FOXN3: variants seen among roughly 807,000 people sequenced by gnomAD.
FOXN3 encodes the protein forkhead box protein N3.
In FOXN3, 7 loss-of-function variants were observed where a neutral mutation model predicts 38.4. The observed-to-expected ratio is 0.18, with a 90% CI of 0.10 to 0.34. FOXN3 has a LOEUF of 0.34. Ranked by LOEUF, FOXN3 falls within the 10% of genes least tolerant of loss-of-function variation. FOXN3 has a pLI of 1.00. For missense variants in FOXN3, 456 were observed against 613.4 expected, an observed-to-expected ratio of 0.74 and a Z score of 2.71; for synonymous variants, 230 against 242.2, an observed-to-expected ratio of 0.95 and a Z score of 0.47.
At chr14:89,584,061 T>C (rs752576990) in intron 1 of FOXN3, among the ~76,000 whole-genome samples, 2 of 149,098 alleles carry the variant, frequency 1.3e-5, no homozygotes, top group Non-Finnish European at 3.0e-5. Context: ...GGTTTCACCA[T>C]GTTGGCCAGG....
chr14:89,354,828 C>G (rs572923833), intron 2 of FOXN3, among the ~76,000 whole-genome samples: 1 of 151,842 alleles, frequency 6.6e-6, no homozygotes, highest in Non-Finnish European at 1.5e-5. Context: ...GCACTCCAGC[C>G]TGGGTGACAG....
At chr14:89,420,382 A>G (rs150375488), upstream of FOXN3, among the ~76,000 whole-genome samples, 166 of 152,230 alleles carry the variant, frequency 1.1e-3, 1 homozygote, top group African/African-American at 3.8e-3. Context: ...ATGACTTTGG[A>G]AGTGGGATAT....
At chr14:89,420,886 A>G (rs1273095919), upstream of FOXN3, among the ~76,000 whole-genome samples, 1 of 12,420 alleles carries the variant, frequency 8.1e-5, no homozygotes, top group Non-Finnish European at 1.8e-4. Context: ...GATACGAATT[A>G]AAAAAAAAAA....
intron 2 of FOXN3, among the ~76,000 whole-genome samples, chr14:89,356,169 G>A (rs1369623062): frequency 2.6e-5 from 4 of 152,048 alleles, no homozygotes; most frequent in Non-Finnish European, 5.9e-5. Flanking sequence ...AGGCCGAGGT[G>A]GACAGATCAC....
chr14:89,354,197 A>T (rs1311773873), intron 2 of FOXN3, among the ~76,000 whole-genome samples: 1 of 152,002 alleles, frequency 6.6e-6, no homozygotes, highest in Non-Finnish European at 1.5e-5. Context: ...TCTGAAGACA[A>T]GAATATGGAA....
At chr14:89,427,432 A>G (rs1042917572) in intron 1 of FOXN3, among the ~76,000 whole-genome samples, 8 of 146,166 alleles carry the variant, frequency 5.5e-5, no homozygotes, top group African/African-American at 2.0e-4. Flanking sequence ...CAGCATCCCA[A>G]GTAGGTGGGA....
At chr14:89,609,929 G>GGA (rs1452529881) in intron 1 of FOXN3, among the ~76,000 whole-genome samples, 1 of 152,056 alleles carries the variant, frequency 6.6e-6, no homozygotes, top group East Asian at 1.9e-4. Context: ...AAGTTTTCTA[G>GGA]CCTGGGAAAT....
intron 1 of FOXN3, among the ~76,000 whole-genome samples, chr14:89,479,576 A>G (rs1452801617): frequency 6.6e-6 from 1 of 152,012 alleles, no homozygotes; most frequent in Admixed American, 6.6e-5. Flanking sequence ...TTTCTCTGTG[A>G]TCTCTGTGGT....
intron 1 of FOXN3, among the ~76,000 whole-genome samples, chr14:89,572,592 T>C (rs1035842856): frequency 2.0e-5 from 3 of 152,258 alleles, no homozygotes; most frequent in Non-Finnish European, 4.4e-5. Context: ...CTTTGTGATC[T>C]TCCCCTTTCC....
intron 3 of FOXN3, among the ~76,000 whole-genome samples, chr14:89,329,403 G>T (rs1283335862): frequency 1.3e-5 from 2 of 152,090 alleles, no homozygotes; most frequent in Non-Finnish European, 2.9e-5. Context: ...CCTCAACTGG[G>T]GTTGGTTTTG....
intron 1 of FOXN3, among the ~76,000 whole-genome samples, chr14:89,488,204 TC>T (rs1199380185): frequency 6.6e-6 from 1 of 151,242 alleles, no homozygotes; most frequent in African/African-American, 2.4e-5. Flanking sequence ...TGCCTCAGCC[TC>T]CCCAGTAGCT....
At chr14:89,413,946 G>A (rs1596260789) in intron 1 of FOXN3, among the ~76,000 whole-genome samples, 1 of 138,474 alleles carries the variant, frequency 7.2e-6, no homozygotes, top group East Asian at 2.2e-4. Context: ...GGGAGGAGAA[G>A]GGGGAGGAGG....
At chr14:89,475,109 C>T (rs570763288) in intron 1 of FOXN3, among the ~76,000 whole-genome samples, 1 of 152,220 alleles carries the variant, frequency 6.6e-6, no homozygotes, top group African/African-American at 2.4e-5. Context: ...CCACCGCGCC[C>T]GGCCAGGTGT....
chr14:89,208,469 G>A (rs895275885), intron 4 of FOXN3, among the ~76,000 whole-genome samples: 1 of 152,196 alleles, frequency 6.6e-6, no homozygotes, highest in African/African-American at 2.4e-5. Flanking sequence ...TGCATCTACT[G>A]TCTATCCATG....
Position 89,163,026 on chromosome 14 carries a change from G to A in FOXN3, c.852-57C>T, listed in dbSNP as rs775082179. 4.8e-6 allele frequency: 7 copies of A among 1,443,338 alleles called. No individual in the cohort carries two copies. Among genetic ancestry groups the A allele is most frequent in the South Asian group, 2.9e-5 (2 of 68,128 alleles). 89.4% of individuals were successfully genotyped at this position (1,443,338 alleles called of 1,614,324 possible). ...AGACAAAGAAGGGACACAGTTAGAC[G>A]TCCTCAGATGGGGGCACCCGGCAGC... On this transcript the variant is annotated intron_variant, in intron 5 of 5. Transcript: ENST00000557258. This position sits in a 1 kb window ranked among gnomAD's most constrained non-coding sequence, Gnocchi z 4.3.
intron 1 of FOXN3, among the ~76,000 whole-genome samples, chr14:89,505,734 C>A (rs1893907388): frequency 6.6e-6 from 1 of 152,114 alleles, no homozygotes; most frequent in East Asian, 2.0e-4. Flanking sequence ...GCCTGGCCGC[C>A]CATCGTCTGG....
chr14:89,452,745 G>A (rs550768100), intron 1 of FOXN3, among the ~76,000 whole-genome samples: 4 of 152,294 alleles, frequency 2.6e-5, no homozygotes, highest in African/African-American at 7.2e-5. Context: ...AAAAGGAAAT[G>A]AAGGAAAATG....
intron 4 of FOXN3, among the ~76,000 whole-genome samples, chr14:89,233,744 G>A (rs1388988506): frequency 6.6e-6 from 1 of 152,196 alleles, no homozygotes; most frequent in African/African-American, 2.4e-5. Context: ...CCAAGTTCAA[G>A]TTCTGATTCT....
intron 1 of FOXN3, among the ~76,000 whole-genome samples, chr14:89,461,574 T>C (rs931712450): frequency 7.2e-5 from 11 of 152,192 alleles, no homozygotes; most frequent in Admixed American, 1.3e-4. Flanking sequence ...AGAGTAATAT[T>C]ATCCTTGAAT....
Sources: gnomAD v4.1 joint callset for allele counts (sites outside exome capture counted in the v4.1 genomes callset) on GRCh38, gnomAD v4.1.1 for gene constraint, Gnocchi (gnomAD v3.1) non-coding constraint, MANE v1.5 for transcripts, NCBI Gene and HGNC (gene_info 2026-07-23, HGNC 2026-07-21) for gene names.